Variants in CDK10 observed in about 807,000 individuals in gnomAD.
CDK10 encodes the protein cyclin-dependent kinase 10.
In CDK10, 55 loss-of-function variants were observed where a neutral mutation model predicts 51.0. That is an observed-to-expected ratio of 1.08 (90% CI 0.87 to 1.35). The LOEUF is 1.35. Among genes scored for constraint, CDK10 ranks in the 40% most tolerant of loss-of-function variants. The pLI, the probability that CDK10 is intolerant of heterozygous loss-of-function variation, is 0.00. For missense variants in CDK10, 589 were observed against 485.1 expected (o/e 1.21, Z -2.01); for synonymous variants, 255 against 199.1 (o/e 1.28, Z -2.36).
chr16:89,687,045 G>T, intron 1 of CDK10: 1 of 408,950 alleles, frequency 2.4e-6, no homozygotes, highest in Non-Finnish European at 4.3e-6. Context: ...GGAGAGACGG[G>T]CCCGGGACTT....
At position 89,686,691 on chromosome 16, in the gene CDK10, A is replaced by G. The variant is rs543938798; in HGVS notation, c.-20A>G. ...CCGCGTCTGCGCCTGCGCGCAAGAG[A>G]GGCGGGGCCAGCGCTCGGCATGGCG... is the stretch of plus-strand genomic sequence containing the variant. On this transcript the variant is annotated 5_prime_UTR_variant, in exon 1 of 13. Coordinates refer to ENST00000353379, the MANE Select transcript of CDK10 (RefSeq NM_052988.5). The G allele has an allele frequency of 2.0e-5, 27 of 1,366,112 alleles. No homozygotes were observed. The East Asian group carries it at 2.7e-4, about 14-fold the overall frequency. The allele number at this position is 1,366,112 out of a possible 1,614,324, so 84.6% of individuals were successfully genotyped here. A position where few individuals can be genotyped will look rare whatever the true frequency, so the allele number is the denominator to read the frequency against.
In CDK10 at chr16:89,695,340, C is replaced by G; in HGVS notation, c.980C>G (p.Pro327Arg). ...CLESSYFKEK[P>R]LPCEPELMPT... is the part of the protein sequence containing the mutation. ...GAGAGCTCCTATTTCAAGGAGAAGCCCCTACGTGAGTGTGCAGGGTTCCTG... is the reference window on the plus strand; with the variant it reads ...GAGAGCTCCTATTTCAAGGAGAAGCGCCTACGTGAGTGTGCAGGGTTCCTG... The change falls in exon 12 of 13, where the codon CCC becomes CGC. Residue 327 changes from proline (P) to arginine (R), a missense_variant. Physicochemically the swap from Pro to Arg is moderately radical, Grantham distance 103 (BLOSUM62 -2). Transcript: ENST00000353379. 1 of 1,612,402 alleles carries G rather than the reference C, an allele frequency of 6.2e-7. No homozygotes were observed. Among genetic ancestry groups the G allele is most frequent in the African/African-American group, 1.3e-5 (1 of 75,044 alleles).
chr16:89,690,734 C>A, intron 3 of CDK10, 110 bp downstream of exon 3: 1 of 945,066 alleles, frequency 1.1e-6, no homozygotes, highest in Non-Finnish European at 1.7e-6. Context: ...CGGGGGCCGG[C>A]CTCTGGGAGG....
At chr16:89,689,107 G>A (rs926306774) in intron 1 of CDK10, 145 bp from the exon 2 acceptor site, 41 of 684,948 alleles carry the variant, frequency 6.0e-5, no homozygotes, top group Non-Finnish European at 8.7e-5. Context: ...CTCAAAAAAA[G>A]AAAAAAAAAG....
chr16:89,693,592 T>TC, intron 8 of CDK10, 125 bp downstream of exon 8: 1 of 930,440 alleles, frequency 1.1e-6, no homozygotes, highest in African/African-American at 1.6e-5. Flanking sequence ...CTGTGCACAC[T>TC]CAGAAACGTT....
chr16:89,692,565 A>G lies in CDK10; in HGVS notation c.485+49A>G, dbSNP rs187282. ...GGAAGCACAAATTCGGCTGAGGCCTAACTCTGCTGCCCCTGTGGAGTTACT... is the reference window on the plus strand; with the variant it reads ...GGAAGCACAAATTCGGCTGAGGCCTGACTCTGCTGCCCCTGTGGAGTTACT... On this transcript the variant is annotated intron_variant, in intron 6 of 12. Transcript: ENST00000353379. 1 allele frequency: 1,430,691 copies of G among 1,436,282 alleles called. 712,692 individuals are homozygous for G. Among genetic ancestry groups the G allele is most frequent in the East Asian group, 1 (40,109 of 40,110 alleles). The allele number at this position is 1,436,282 out of a possible 1,614,324, so 89.0% of individuals were successfully genotyped here. A position where few individuals can be genotyped will look rare whatever the true frequency, so the allele number is the denominator to read the frequency against.
rs527448572 is a variant in CDK10, at chr16:89,693,213, G to C, written c.486-61G>C. 1.2e-4 allele frequency: 174 copies of C among 1,471,980 alleles called. No individual in the cohort carries two copies. In the Middle Eastern group the frequency reaches 4.1e-3, roughly 35 times the overall value. The allele number at this position is 1,471,980 out of a possible 1,614,324, so 91.2% of individuals were successfully genotyped here. On this transcript the variant is annotated intron_variant, in intron 6 of 12. Coordinates refer to ENST00000353379, the MANE Select transcript of CDK10 (RefSeq NM_052988.5). ...GGAAGTCTACGGGCATTGGTGCCGT[G>C]GGGGAGCTCTCAGCCCCTGTGGCCC...
chr16:89,691,426 G>T lies in CDK10; in HGVS notation c.233-17G>T, dbSNP rs747932338. On this transcript the variant is annotated splice_polypyrimidine_tract_variant and intron_variant, in intron 3 of 12. Coordinates refer to ENST00000353379, the MANE Select transcript of CDK10 (RefSeq NM_052988.5). ...CATCACTGGGGTGGGGCTCGCTGAGGCCACCTCCCTCCCCAGGCATCCCCA... is the reference window on the plus strand; with the variant it reads ...CATCACTGGGGTGGGGCTCGCTGAGTCCACCTCCCTCCCCAGGCATCCCCA... 19 of 1,585,746 alleles carry T rather than the reference G, an allele frequency of 1.2e-5. No homozygotes were observed. Among genetic ancestry groups the T allele is most frequent in the Non-Finnish European group, 1.6e-5 (19 of 1,163,470 alleles).
At chr16:89,690,759 C>G in intron 3 of CDK10, 135 bp downstream of exon 3, 1 of 755,744 alleles carries the variant, frequency 1.3e-6, no homozygotes, top group Non-Finnish European at 2.4e-6. Flanking sequence ...TGGTGTGGCC[C>G]AGCACATCAC....
chr16:89,692,413 G>A, intron 5 of CDK10, 36 bp from the exon 6 acceptor site: 1 of 1,492,130 alleles, frequency 6.7e-7, no homozygotes, highest in Admixed American at 2.3e-5. Context: ...TTCCCTGCAG[G>A]CTCACCCTGA....
chr16:89,695,932 C>A lies in CDK10; in HGVS notation c.*240C>A. On this transcript the variant is annotated 3_prime_UTR_variant, in exon 13 of 13. Coordinates refer to ENST00000353379, the MANE Select transcript of CDK10 (RefSeq NM_052988.5). ...CACCCTGGAAGGGCAGGTCTGGCGG[C>A]TCCATCCGTGGCTGCAGGGGTCTCA... The A allele has an allele frequency of 1.3e-6, 1 of 775,180 alleles. No homozygotes were observed. Among genetic ancestry groups the A allele is most frequent in the South Asian group, 1.7e-5 (1 of 60,434 alleles). 48.0% of individuals were successfully genotyped at this position (775,180 alleles called of 1,614,324 possible).
At chr16:89,691,744 G>A in intron 4 of CDK10, 62 bp from the exon 5 acceptor site, 7 of 1,499,516 alleles carry the variant, frequency 4.7e-6, no homozygotes, top group Non-Finnish European at 6.5e-6. Flanking sequence ...CAGCAGGGGA[G>A]GCTCCACTTC....
At chr16:89,689,428 C>G in intron 2 of CDK10, 104 bp downstream of exon 2, 1 of 945,196 alleles carries the variant, frequency 1.1e-6, no homozygotes. Flanking sequence ...GGGACTCAGA[C>G]CCTGTGCTCT....
intron 1 of CDK10, among the ~76,000 whole-genome samples, chr16:89,688,239 G>A (rs140530410): frequency 0.015 from 2,300 of 151,934 alleles, 67 homozygotes; most frequent in African/African-American, 0.052. Context: ...CCGCCACCAC[G>A]CCCAGCTAAT....
chr16:89,691,552 G>A lies in CDK10; in HGVS notation c.335+7G>A, dbSNP rs1320337951. 6.2e-7 allele frequency: 1 copy of A among 1,604,372 alleles called. No homozygotes were observed. Among genetic ancestry groups the A allele is most frequent in the Non-Finnish European group, 8.5e-7 (1 of 1,171,898 alleles). ...TGGGGAACCACCTGGAGAGGTACGT[G>A]GTCTCCTGGTCTGCACATTGGGCCC... is the stretch of plus-strand genomic sequence containing the variant. On this transcript the variant is annotated splice_region_variant and intron_variant, in intron 4 of 12. Coordinates refer to ENST00000353379, the MANE Select transcript of CDK10 (RefSeq NM_052988.5).
At position 89,690,206 on chromosome 16, in the gene CDK10, G is replaced by C. The variant is rs1020783211; in HGVS notation, c.161-347G>C. The C allele has an allele frequency of 2.1e-5, 6 of 286,422 alleles. No homozygotes were observed. In the East Asian group the frequency reaches 3.4e-4, roughly 16 times the overall value. 17.7% of individuals were successfully genotyped at this position (286,422 alleles called of 1,614,324 possible). On this transcript the variant is annotated intron_variant, in intron 2 of 12. Transcript: ENST00000353379. Reference sequence around the variant, plus strand: ...AATAAGGTTTGCTTTTTTCTGCATAGAGTACCTTATTTGCTTTTAGGACAT... The same window carrying C: ...AATAAGGTTTGCTTTTTTCTGCATACAGTACCTTATTTGCTTTTAGGACAT...
chr16:89,686,881 G>C, intron 1 of CDK10, 84 bp downstream of exon 1: 1 of 1,193,110 alleles, frequency 8.4e-7, no homozygotes, highest in Admixed American at 2.4e-5. Flanking sequence ...GTGTCGCGCT[G>C]CCGCGCCGAG....
At position 89,695,129 on chromosome 16, in the gene CDK10, C is replaced by G. The variant is rs552795799; in HGVS notation, c.932+59C>G. The G allele has an allele frequency of 3.9e-5, 62 of 1,570,428 alleles. No homozygotes were observed. The African/African-American group carries it at 5.9e-4, about 15-fold the overall frequency. ...ACCACCCACACTGTCCAGACCGTTTCCCAGAGCCCAGCCTCACTGCGGTGG... is the reference window on the plus strand; with the variant it reads ...ACCACCCACACTGTCCAGACCGTTTGCCAGAGCCCAGCCTCACTGCGGTGG... On this transcript the variant is annotated intron_variant, in intron 11 of 12. Transcript: ENST00000353379.
At chr16:89,693,877 A>G (rs1409633150) in intron 8 of CDK10, 1 of 570,850 alleles carries the variant, frequency 1.8e-6, no homozygotes. Flanking sequence ...GAATCAGGTC[A>G]GGACCCCAGT....
Sources: allele counts gnomAD v4.1 joint callset (sites outside exome capture counted in the v4.1 genomes callset), GRCh38; gene constraint gnomAD v4.1.1; transcripts MANE v1.5; gene names NCBI Gene and HGNC (gene_info 2026-07-23, HGNC 2026-07-21).